RB1CC1: variants seen among roughly 807,000 people sequenced by gnomAD.
RB1CC1 encodes RB1 inducible coiled-coil 1.
RB1CC1 carries 46 observed loss-of-function variants against 177.5 expected under a neutral mutation model. The observed-to-expected ratio is 0.26, with a 90% CI of 0.20 to 0.33. The LOEUF (loss-of-function observed/expected upper bound fraction) is 0.33. Ranked by LOEUF, RB1CC1 falls within the 10% of genes least tolerant of loss-of-function variation. RB1CC1 has a pLI of 1.00. For synonymous variants in RB1CC1, 666 were observed against 613.6 expected (o/e 1.09, Z -1.26); for missense variants, 1,703 against 1,816.3 (o/e 0.94, Z 1.13).
intron 20 of RB1CC1, among the ~76,000 whole-genome samples, chr8:52,631,056 A>T (rs998674483): frequency 6.6e-6 from 1 of 152,148 alleles, no homozygotes; most frequent in Admixed American, 6.6e-5. Flanking sequence ...CTGGGGTTGG[A>T]CCACACAATC....
intron 1 of RB1CC1, among the ~76,000 whole-genome samples, chr8:52,704,370 A>C (rs1343554440): frequency 2.0e-5 from 3 of 152,006 alleles, no homozygotes; most frequent in African/African-American, 7.2e-5. Flanking sequence ...CTGCCTTCCA[A>C]AAAGTTCAAT....
chr8:52,652,850 G>C (rs1336352556), intron 15 of RB1CC1, among the ~76,000 whole-genome samples: 1 of 152,126 alleles, frequency 6.6e-6, no homozygotes, highest in Non-Finnish European at 1.5e-5. Flanking sequence ...CTGAGGTCAG[G>C]AGTTCGAGAC....
chr8:52,646,782 C>A (rs1166506879), intron 15 of RB1CC1, among the ~76,000 whole-genome samples: 1 of 152,104 alleles, frequency 6.6e-6, no homozygotes, highest in African/African-American at 2.4e-5. Flanking sequence ...AGTTTAACTT[C>A]TAATTAATAA....
At chr8:52,669,208 C>A (rs2150533243) in intron 7 of RB1CC1, among the ~76,000 whole-genome samples, 1 of 152,276 alleles carries the variant, frequency 6.6e-6, no homozygotes, top group East Asian at 1.9e-4. Flanking sequence ...CTTCTGCCCA[C>A]AGATAATATC....
chr8:52,707,576 A>T (rs1048587315), intron 1 of RB1CC1, among the ~76,000 whole-genome samples: 3 of 150,774 alleles, frequency 2.0e-5, no homozygotes, highest in Non-Finnish European at 3.0e-5. Flanking sequence ...GGAAACTGCA[A>T]CCTCTTCTCT....
At chr8:52,631,541 G>T (rs1848757667) in intron 20 of RB1CC1, among the ~76,000 whole-genome samples, 1 of 152,198 alleles carries the variant, frequency 6.6e-6, no homozygotes, top group Non-Finnish European at 1.5e-5. Flanking sequence ...AATGTTGTAA[G>T]TAACTAGAAT....
intron 15 of RB1CC1, among the ~76,000 whole-genome samples, chr8:52,654,894 C>T (rs1042736782): frequency 2.0e-5 from 3 of 152,102 alleles, no homozygotes; most frequent in African/African-American, 7.2e-5. Flanking sequence ...TGACCCCTAC[C>T]CTCCTTAGCT....
intron 18 of RB1CC1, among the ~76,000 whole-genome samples, chr8:52,640,595 T>C (rs62499942): frequency 0.039 from 5,911 of 152,254 alleles, 163 homozygotes; most frequent in Non-Finnish European, 0.058. Context: ...TATAGTAAAC[T>C]TTCTGTATCA....
chr8:52,673,867 T>C lies in RB1CC1; in HGVS notation c.980A>G (p.Lys327Arg). ...RPNDVESLVR[K>R]CFDSMSRLDP... ...TACCCTGCTCATAGAATCAAAGCACTTCCTGACCAAAGATTCCACATCATT... is the reference window on the plus strand; with the variant it reads ...TACCCTGCTCATAGAATCAAAGCACCTCCTGACCAAAGATTCCACATCATT... The change falls in exon 7 of 24, where the codon AAG (lysine) becomes AGG (arginine). Residue 327 changes from lysine to arginine, a missense_variant. This residue lies in a region of RB1CC1 where 315 missense variants were observed against 304.9 expected (regional missense o/e 1.03). Transcript: ENST00000025008. 1.2e-6 allele frequency: 2 copies of C among 1,611,480 alleles called. No individual in the cohort carries two copies. Among genetic ancestry groups the C allele is most frequent in the Non-Finnish European group, 1.7e-6 (2 of 1,177,904 alleles).
chr8:52,671,891 A>G (rs1227959829), intron 7 of RB1CC1, among the ~76,000 whole-genome samples: 2 of 152,184 alleles, frequency 1.3e-5, no homozygotes, highest in African/African-American at 4.8e-5. Flanking sequence ...GGCATATACA[A>G]CTAATGAGTA....
chr8:52,646,486 T>G (rs1590956704), intron 15 of RB1CC1, among the ~76,000 whole-genome samples: 2 of 152,230 alleles, frequency 1.3e-5, no homozygotes, highest in South Asian at 2.1e-4. Context: ...AGTTTTGCTA[T>G]TCCTATACAT....
At chr8:52,712,263 C>T (rs762687205) in intron 1 of RB1CC1, among the ~76,000 whole-genome samples, 15 of 152,110 alleles carry the variant, frequency 9.9e-5, no homozygotes, top group Non-Finnish European at 1.9e-4. Flanking sequence ...AAAAGATATT[C>T]ATAAGACATA....
At chr8:52,690,417 T>C (rs1317816315) in intron 1 of RB1CC1, among the ~76,000 whole-genome samples, 1 of 152,148 alleles carries the variant, frequency 6.6e-6, no homozygotes, top group African/African-American at 2.4e-5. Flanking sequence ...AGTTCAGTCT[T>C]GAAGGAGAAA....
intron 8 of RB1CC1, among the ~76,000 whole-genome samples, chr8:52,665,284 C>T (rs534387192): frequency 7.3e-4 from 111 of 152,080 alleles, no homozygotes; most frequent in African/African-American, 2.6e-3. Flanking sequence ...GAAAATGTGG[C>T]GAATGACAAT....
chr8:52,688,868 T>C (rs1300373326), intron 1 of RB1CC1, among the ~76,000 whole-genome samples: 1 of 152,174 alleles, frequency 6.6e-6, no homozygotes, highest in African/African-American at 2.4e-5. Context: ...TCTCTTTATT[T>C]CTCAGCCGGC....
Position 52,637,658 on chromosome 8 carries a change from C to CATTTATTTATTT in RB1CC1, c.4338-1601_4338-1590dup, listed in dbSNP as rs561831982. ...TTTTTCTTCCTTACCAATCTAGATG[C>CATTTATTTATTT]ATTTATTTATTTATTTATTTATTTA... On this transcript the variant is annotated intron_variant, in intron 18 of 23. Transcript: ENST00000025008. Among the ~76,000 whole-genome samples, 265 of 151,290 alleles carry CATTTATTTATTT rather than the reference C, an allele frequency of 1.8e-3. 1 individual carries two copies. The highest frequency in any genetic ancestry group is 6.2e-3 in the African/African-American group (256 of 41,022).
At position 52,714,217 on chromosome 8, in the gene RB1CC1, G is replaced by C. The variant is rs1416386887; in HGVS notation, c.-309C>G. The C allele has an allele frequency of 4.4e-6, 1 of 225,472 alleles. No homozygotes were observed. Among genetic ancestry groups the C allele is most frequent in the Non-Finnish European group, 9.3e-6 (1 of 107,948 alleles). The allele number at this position is 225,472 out of a possible 1,614,324, so 14.0% of individuals were successfully genotyped here. On this transcript the variant is annotated 5_prime_UTR_variant, in exon 1 of 24. Coordinates refer to ENST00000025008, the MANE Select transcript of RB1CC1 (RefSeq NM_014781.5). ...GCCGACACAACCGCCGGCGTCCCGG[G>C]CGCCCGCCCGCCGCGGCCCCGAACT...
chr8:52,649,947 A>G (rs1850421082), intron 15 of RB1CC1, among the ~76,000 whole-genome samples: 1 of 152,256 alleles, frequency 6.6e-6, no homozygotes, highest in Non-Finnish European at 1.5e-5. Flanking sequence ...AGTGGACCGA[A>G]CAGTATCTAC....
intron 1 of RB1CC1, among the ~76,000 whole-genome samples, chr8:52,703,999 C>A (rs1856331417): frequency 6.6e-6 from 1 of 152,076 alleles, no homozygotes; most frequent in Non-Finnish European, 1.5e-5. Flanking sequence ...TAACATGATC[C>A]CATGAAACTG....
Sources: allele counts gnomAD v4.1 joint callset (sites outside exome capture counted in the v4.1 genomes callset), GRCh38; gene constraint gnomAD v4.1.1; regional missense constraint gnomAD v4.1.1; transcripts MANE v1.5; gene names NCBI Gene and HGNC (gene_info 2026-07-23, HGNC 2026-07-21).